Variants in SND1 observed in about 807,000 individuals in gnomAD.
SND1 encodes staphylococcal nuclease and tudor domain containing 1, also known as staphylococcal nuclease domain-containing protein 1.
Under a neutral mutation model 121.7 loss-of-function variants are expected in SND1, and 38 were observed. The observed-to-expected ratio is 0.31, with a 90% CI of 0.24 to 0.41. SND1 has a LOEUF of 0.41. Ranked by LOEUF, SND1 falls within the 10% of genes least tolerant of loss-of-function variation. The probability of loss-of-function intolerance (pLI) is 1.00; values close to 1 mark genes in which losing one functional copy is unlikely to be tolerated. For synonymous variants in SND1, 401 were observed against 447.4 expected (o/e 0.90, Z 1.31); for missense variants, 868 against 1,184.6 (o/e 0.73, Z 3.92).
intron 10 of SND1, among the ~76,000 whole-genome samples, chr7:127,796,321 T>A (rs953084911): frequency 6.6e-6 from 1 of 152,124 alleles, no homozygotes; most frequent in African/African-American, 2.4e-5. Context: ...CACTTTGAGA[T>A]TTACTAACCA....
intron 11 of SND1, among the ~76,000 whole-genome samples, chr7:127,835,793 A>G (rs1406906519): frequency 6.6e-6 from 1 of 152,106 alleles, no homozygotes; most frequent in African/African-American, 2.4e-5. Context: ...GTCTTTCTCT[A>G]AGGTACCCCT....
At chr7:128,027,591 A>G (rs543886858) in intron 16 of SND1, 11 of 152,338 alleles carry the variant, frequency 7.2e-5, no homozygotes, top group Non-Finnish European at 1.3e-4. Context: ...GAGTCACCAA[A>G]TCACAAGCAT....
chr7:127,695,169 TGGTTTA>T (rs1795985641), intron 3 of SND1, among the ~76,000 whole-genome samples: 1 of 152,176 alleles, frequency 6.6e-6, no homozygotes, highest in African/African-American at 2.4e-5. Flanking sequence ...TTTCCTGCTT[TGGTTTA>T]GGTGCATGTA....
At chr7:127,686,884 C>T in intron 2 of SND1, 122 bp downstream of exon 2, 1 of 1,114,914 alleles carries the variant, frequency 9.0e-7, no homozygotes, top group East Asian at 2.6e-5. Context: ...TATCATAGAA[C>T]TGCTGATTCT....
chr7:127,962,450 A>G (rs1481657053), intron 15 of SND1, among the ~76,000 whole-genome samples: 1 of 152,210 alleles, frequency 6.6e-6, no homozygotes, highest in Non-Finnish European at 1.5e-5. Context: ...GTCCATGAAG[A>G]AGAAAACTGA....
chr7:127,789,211 G>C (rs1415026977), intron 10 of SND1, among the ~76,000 whole-genome samples: 2 of 152,218 alleles, frequency 1.3e-5, no homozygotes, highest in Middle Eastern at 3.2e-3. Context: ...AGCTAGGCCA[G>C]TGTATCGTTG....
intron 2 of SND1, chr7:127,687,125 A>T (rs181008297): frequency 2.8e-4 from 48 of 168,654 alleles, no homozygotes; most frequent in Non-Finnish European, 4.9e-4. Context: ...TGAATTCTTC[A>T]TTCATTTACA....
At chr7:127,926,720 T>TTTGTTGTTGTTGTTG (rs57562959) in intron 14 of SND1, among the ~76,000 whole-genome samples, 3 of 142,760 alleles carry the variant, frequency 2.1e-5, no homozygotes, top group South Asian at 2.3e-4. Flanking sequence ...ACCCGGCTAT[T>TTTGTTGTTGTTGTTG]TTGTTGTTGT....
chr7:127,878,725 G>A (rs191788935), intron 12 of SND1, among the ~76,000 whole-genome samples: 1 of 152,204 alleles, frequency 6.6e-6, no homozygotes, highest in African/African-American at 2.4e-5. Flanking sequence ...GTTAATCAGT[G>A]TAAATGGATT....
At chr7:127,713,330 A>G (rs1222688598) in intron 9 of SND1, among the ~76,000 whole-genome samples, 1 of 152,268 alleles carries the variant, frequency 6.6e-6, no homozygotes, top group Non-Finnish European at 1.5e-5. Flanking sequence ...GGAAAAAAAT[A>G]CATGCATTAC....
At chr7:127,975,348 C>T (rs1049071565) in intron 15 of SND1, among the ~76,000 whole-genome samples, 11 of 151,654 alleles carry the variant, frequency 7.3e-5, no homozygotes, top group African/African-American at 2.2e-4. Flanking sequence ...CGCGCATGTG[C>T]GCACGCGCGT....
At chr7:128,089,944 C>G (rs1793750067) in intron 22 of SND1, 1 of 477,064 alleles carries the variant, frequency 2.1e-6, no homozygotes, top group Non-Finnish European at 3.9e-6. Flanking sequence ...CCCCATGTAC[C>G]CCCAGGTGAC....
At chr7:127,787,205 T>C (rs1426971141) in intron 10 of SND1, among the ~76,000 whole-genome samples, 1 of 152,208 alleles carries the variant, frequency 6.6e-6, no homozygotes, top group African/African-American at 2.4e-5. Flanking sequence ...TTATGCTTTT[T>C]GTTTGTTGGT....
At chr7:127,955,101 T>A (rs985526109) in intron 15 of SND1, among the ~76,000 whole-genome samples, 5 of 152,236 alleles carry the variant, frequency 3.3e-5, no homozygotes, top group Non-Finnish European at 7.3e-5. Context: ...CTCTCCTTTC[T>A]TGTTGAACAG....
At chr7:127,886,789 A>G (rs937546994) in intron 12 of SND1, among the ~76,000 whole-genome samples, 2 of 147,654 alleles carry the variant, frequency 1.4e-5, no homozygotes, top group Non-Finnish European at 3.0e-5. Context: ...TAGCTAGTAG[A>G]TGCAGGCCAC....
At chr7:127,886,226 C>G (rs1033447102) in intron 12 of SND1, among the ~76,000 whole-genome samples, 1 of 151,956 alleles carries the variant, frequency 6.6e-6, no homozygotes. Flanking sequence ...AAACAGACAT[C>G]CGAGGGGCAT....
intron 15 of SND1, among the ~76,000 whole-genome samples, chr7:127,936,879 T>G (rs115069150): frequency 6.0e-4 from 92 of 152,264 alleles, no homozygotes; most frequent in African/African-American, 2.0e-3. Flanking sequence ...CCAGTGGGTG[T>G]GGAGTATTTG....
chr7:127,749,160 AC>A (rs1290596226), intron 10 of SND1, among the ~76,000 whole-genome samples: 1 of 150,196 alleles, frequency 6.7e-6, no homozygotes, highest in African/African-American at 2.5e-5. Flanking sequence ...CAGCCTCCCA[AC>A]TAGCTGGGAT....
intron 13 of SND1, among the ~76,000 whole-genome samples, chr7:127,896,536 A>C (rs1291181804): frequency 6.6e-6 from 1 of 152,112 alleles, no homozygotes; most frequent in Non-Finnish European, 1.5e-5. Flanking sequence ...ATGCACACTA[A>C]AATTTGAGAA....
Sources: allele counts gnomAD v4.1 joint callset (sites outside exome capture counted in the v4.1 genomes callset), GRCh38; gene constraint gnomAD v4.1.1; transcripts MANE v1.5; gene names NCBI Gene and HGNC (gene_info 2026-07-23, HGNC 2026-07-21).